ARHGAP21: variants seen among roughly 807,000 people sequenced by gnomAD.
The protein encoded by ARHGAP21 is Rho GTPase activating protein 21.
Under a neutral mutation model 164.6 loss-of-function variants are expected in ARHGAP21, and 38 were observed. That is an observed-to-expected ratio of 0.23 (90% CI 0.18 to 0.30). ARHGAP21 has a LOEUF of 0.30. ARHGAP21 is among the 10% of genes least tolerant of loss of function. The pLI is 1.00. For synonymous variants in ARHGAP21, 766 were observed against 857.9 expected (o/e 0.89, Z 1.87); for missense variants, 1,822 against 2,370.7 (o/e 0.77, Z 4.81).
chr10:24,642,359 C>CA (rs1837134220), intron 4 of ARHGAP21, among the ~76,000 whole-genome samples: 1 of 151,516 alleles, frequency 6.6e-6, no homozygotes, highest in African/African-American at 2.4e-5. Context: ...ACTAAAAATA[C>CA]AAAAAATTAG....
At chr10:24,593,082 G>C (rs1250584175) in intron 21 of ARHGAP21, among the ~76,000 whole-genome samples, 7 of 151,666 alleles carry the variant, frequency 4.6e-5, no homozygotes, top group Admixed American at 3.9e-4. Flanking sequence ...TAACATCCCA[G>C]GGGGGTAAAA....
At chr10:24,665,530 T>TA (rs890007726) in intron 4 of ARHGAP21, among the ~76,000 whole-genome samples, 2 of 151,974 alleles carry the variant, frequency 1.3e-5, no homozygotes, top group Admixed American at 6.6e-5. Flanking sequence ...ATTTCATTTA[T>TA]AAAAAAAATC....
At chr10:24,722,388 A>C (rs151100345) in intron 1 of ARHGAP21, 109 bp from the exon 2 acceptor site, 395 of 154,264 alleles carry the variant, frequency 2.6e-3, no homozygotes, top group African/African-American at 6.2e-3. Flanking sequence ...AACAAACAAA[A>C]AAAAATTTTA....
chr10:24,589,391 A>C, intron 24 of ARHGAP21, 89 bp from the exon 25 acceptor site: 1 of 1,236,434 alleles, frequency 8.1e-7, no homozygotes. Flanking sequence ...AGACAGGCAC[A>C]GAACAAAATG....
intron 2 of ARHGAP21, among the ~76,000 whole-genome samples, chr10:24,682,308 C>T (rs1373098074): frequency 3.3e-5 from 5 of 152,152 alleles, no homozygotes; most frequent in Non-Finnish European, 5.9e-5. Context: ...GAAAAACAGG[C>T]TTGCTGTGAG....
chr10:24,590,115 G>A (rs1269601014), intron 24 of ARHGAP21: 6 of 1,165,464 alleles, frequency 5.1e-6, no homozygotes, highest in Non-Finnish European at 6.6e-6. Flanking sequence ...TAGGGAAATT[G>A]GTTTTCAGAA....
At chr10:24,701,182 TAA>T in intron 2 of ARHGAP21, among the ~76,000 whole-genome samples, 1 of 146,552 alleles carries the variant, frequency 6.8e-6, no homozygotes, top group East Asian at 2.0e-4. Flanking sequence ...CAGTAAAAAT[TAA>T]AAAAAAAAAT....
intron 7 of ARHGAP21, among the ~76,000 whole-genome samples, chr10:24,625,563 T>C (rs184367426): frequency 1.3e-5 from 2 of 152,170 alleles, no homozygotes; most frequent in Admixed American, 6.5e-5. Flanking sequence ...CATACTATTC[T>C]TGTAATTATT....
At chr10:24,666,098 C>T (rs555306709) in intron 4 of ARHGAP21, among the ~76,000 whole-genome samples, 1 of 152,168 alleles carries the variant, frequency 6.6e-6, no homozygotes, top group South Asian at 2.1e-4. Flanking sequence ...GGAGCGATCT[C>T]GGCTCACTGC....
intron 2 of ARHGAP21, among the ~76,000 whole-genome samples, chr10:24,708,303 C>G (rs1172709364): frequency 6.6e-6 from 1 of 152,112 alleles, no homozygotes; most frequent in Admixed American, 6.6e-5. Flanking sequence ...TCATCAACTC[C>G]CAAAACTATA....
intron 2 of ARHGAP21, among the ~76,000 whole-genome samples, chr10:24,689,729 A>C (rs577274897): frequency 3.9e-5 from 6 of 152,110 alleles, no homozygotes; most frequent in African/African-American, 1.4e-4. Context: ...CATCAGGGTC[A>C]AGGTCTCTTG....
intron 12 of ARHGAP21, among the ~76,000 whole-genome samples, chr10:24,602,415 G>A (rs1001999462): frequency 1.3e-5 from 2 of 152,096 alleles, no homozygotes; most frequent in East Asian, 3.9e-4. Flanking sequence ...ATGCAATAAC[G>A]AATGGCTGAG....
At position 24,607,796 on chromosome 10, in the gene ARHGAP21, A is replaced by G. The variant is rs751326433; in HGVS notation, c.2530T>C (p.Cys844Arg). ...QVPSIATVPPCLTTSAPLIRR... is the reference protein window; with the variant it reads ...QVPSIATVPPRLTTSAPLIRR... ...ATTAATGGAGCTGAAGTTGTGAGGCAAGGAGGAACTGTTGCTATGGAGGGG... is the reference window on the plus strand; with the variant it reads ...ATTAATGGAGCTGAAGTTGTGAGGCGAGGAGGAACTGTTGCTATGGAGGGG... The change falls in exon 10 of 26, where the codon TGC (cysteine) becomes CGC (arginine). Residue 844 changes from cysteine to arginine, a missense_variant. Coordinates refer to ENST00000396432, the MANE Select transcript of ARHGAP21 (RefSeq NM_020824.4). The G allele has an allele frequency of 1.7e-5, 27 of 1,614,042 alleles. No individual in the cohort carries two copies. Among genetic ancestry groups the G allele is most frequent in the Non-Finnish European group, 2.2e-5 (26 of 1,180,016 alleles).
At chr10:24,720,359 C>T in intron 2 of ARHGAP21, among the ~76,000 whole-genome samples, 1 of 151,792 alleles carries the variant, frequency 6.6e-6, no homozygotes, top group East Asian at 1.9e-4. Context: ...GCTTCAGGAC[C>T]ACAATACATA....
chr10:24,693,019 G>T (rs997487060), intron 2 of ARHGAP21, among the ~76,000 whole-genome samples: 1 of 151,932 alleles, frequency 6.6e-6, no homozygotes, highest in South Asian at 2.1e-4. Flanking sequence ...ATATTCACAC[G>T]AAAGTTCAAA....
intron 2 of ARHGAP21, among the ~76,000 whole-genome samples, chr10:24,692,466 C>T (rs1842829225): frequency 1.3e-5 from 2 of 152,148 alleles, no homozygotes; most frequent in Admixed American, 6.5e-5. Flanking sequence ...AGTCTGTCTT[C>T]TTATAAACCA....
chr10:24,672,659 T>C (rs1467850261), intron 2 of ARHGAP21, among the ~76,000 whole-genome samples: 1 of 152,228 alleles, frequency 6.6e-6, no homozygotes, highest in African/African-American at 2.4e-5. Context: ...CTTTATTGAA[T>C]TGCAAATGCT....
intron 9 of ARHGAP21, among the ~76,000 whole-genome samples, chr10:24,609,826 C>T (rs765499935): frequency 2.6e-5 from 4 of 152,058 alleles, no homozygotes; most frequent in African/African-American, 4.8e-5. Flanking sequence ...GTTGACCAAA[C>T]GGAAAACAAA....
intron 2 of ARHGAP21, among the ~76,000 whole-genome samples, chr10:24,704,308 T>G (rs76093430): frequency 6.7e-6 from 1 of 148,462 alleles, no homozygotes. Context: ...TTTTTTTTTT[T>G]GAGACAGGGT....
Sources: allele counts gnomAD v4.1 joint callset (sites outside exome capture counted in the v4.1 genomes callset), GRCh38; gene constraint gnomAD v4.1.1; transcripts MANE v1.5; gene names NCBI Gene and HGNC (gene_info 2026-07-23, HGNC 2026-07-21).